The following HMCN1 variants were observed in gnomAD, a reference collection of about 807,000 sequenced individuals.
The protein encoded by HMCN1 is hemicentin-1.
A neutral mutation model predicts 625.9 loss-of-function variants in HMCN1; 321 were observed. The observed-to-expected ratio is 0.51, with a 90% CI of 0.47 to 0.56. The LOEUF is 0.56. Among genes scored for constraint, HMCN1 ranks in the 20% least tolerant of loss-of-function variants. The pLI is 0.00. For synonymous variants in HMCN1, 2,425 were observed against 2,417.6 expected (o/e 1.00, Z -0.09); for missense variants, 6,588 against 6,887.3 (o/e 0.96, Z 1.54).
chr1:185,814,374 T>G (rs987066403), intron 1 of HMCN1, among the ~76,000 whole-genome samples: 1 of 152,208 alleles, frequency 6.6e-6, no homozygotes, highest in African/African-American at 2.4e-5. Flanking sequence ...TACTTCCCGA[T>G]GTATACTGGT....
At chr1:185,947,164 G>A (rs533267993) in intron 11 of HMCN1, among the ~76,000 whole-genome samples, 2 of 152,232 alleles carry the variant, frequency 1.3e-5, no homozygotes, top group Non-Finnish European at 2.9e-5. Context: ...CTACTGGTAA[G>A]GCAATTAGCA....
In HMCN1 at chr1:186,120,260, T is replaced by C. The variant is rs951563923; in HGVS notation, c.12229+115T>C. ...TGTTCCCCCATAGTTCTCGACATTC[T>C]TAGTTTGCATTATCCTATTGGTTTT... On this transcript the variant is annotated intron_variant, in intron 80 of 106. Transcript: ENST00000271588. The C allele has an allele frequency of 2.6e-6, 3 of 1,142,556 alleles. No individual in the cohort carries two copies. The African/African-American group carries it at 4.7e-5, about 18-fold the overall frequency. The allele number at this position is 1,142,556 out of a possible 1,614,324, so 70.8% of individuals were successfully genotyped here.
chr1:186,112,117 T>A (rs993191465), intron 71 of HMCN1, among the ~76,000 whole-genome samples: 1 of 152,246 alleles, frequency 6.6e-6, no homozygotes, highest in Non-Finnish European at 1.5e-5. Flanking sequence ...TTGTGCTCTA[T>A]TTTCATAATT....
chr1:186,062,916 C>T (rs1055885601), intron 48 of HMCN1, among the ~76,000 whole-genome samples: 3 of 150,672 alleles, frequency 2.0e-5, no homozygotes, highest in Admixed American at 6.6e-5. Context: ...TTAGAACATA[C>T]GATATTTGAC....
chr1:186,073,836 A>C (rs939711030), intron 52 of HMCN1, among the ~76,000 whole-genome samples: 1 of 152,038 alleles, frequency 6.6e-6, no homozygotes, highest in Middle Eastern at 3.2e-3. Context: ...GAAAACTAGG[A>C]AGTGATAGTC....
At chr1:186,172,216 A>C in intron 102 of HMCN1, 85 bp downstream of exon 102, 1 of 1,544,250 alleles carries the variant, frequency 6.5e-7, no homozygotes, top group Non-Finnish European at 8.9e-7. Flanking sequence ...AAGTGATTAG[A>C]GTAAATTTAA....
At chr1:185,803,026 T>A (rs1421715502) in intron 1 of HMCN1, among the ~76,000 whole-genome samples, 1 of 151,946 alleles carries the variant, frequency 6.6e-6, no homozygotes, top group Non-Finnish European at 1.5e-5. Context: ...CTACTGCATA[T>A]TTTTTCTCTT....
intron 74 of HMCN1, 78 bp downstream of exon 74, chr1:186,115,024 G>T: frequency 1.3e-6 from 2 of 1,595,738 alleles, no homozygotes; most frequent in East Asian, 4.5e-5. Context: ...AGGTCATAAA[G>T]ATCTTGACAT....
At chr1:186,175,722 TA>T (rs1320297778) in intron 103 of HMCN1, among the ~76,000 whole-genome samples, 2 of 151,588 alleles carry the variant, frequency 1.3e-5, no homozygotes, top group African/African-American at 2.4e-5. Flanking sequence ...ATTGCCTCAA[TA>T]AAAGAGTTAA....
intron 58 of HMCN1, 42 bp downstream of exon 58, chr1:186,086,449 C>G: frequency 6.3e-7 from 1 of 1,585,026 alleles, no homozygotes; most frequent in Non-Finnish European, 8.7e-7. Context: ...ATTTTCTCAT[C>G]TTTATTTTAA....
intron 96 of HMCN1, 137 bp from the exon 97 acceptor site, chr1:186,153,613 T>A: frequency 1.3e-6 from 1 of 753,122 alleles, no homozygotes; most frequent in Non-Finnish European, 2.4e-6. Flanking sequence ...ACATATTAAA[T>A]GTTTACCATC....
intron 68 of HMCN1, among the ~76,000 whole-genome samples, chr1:186,100,113 G>A (rs140890261): frequency 1.5e-3 from 226 of 152,046 alleles, no homozygotes; most frequent in African/African-American, 5.2e-3. Flanking sequence ...ACAGACTGGT[G>A]CATTTCTGGA....
chr1:185,800,110 G>C (rs1315032718), intron 1 of HMCN1, among the ~76,000 whole-genome samples: 1 of 152,174 alleles, frequency 6.6e-6, no homozygotes, highest in Non-Finnish European at 1.5e-5. Context: ...GGCGGCCCAG[G>C]CTCCACAGCC....
intron 50 of HMCN1, 93 bp downstream of exon 50, chr1:186,068,100 A>G (rs1214896201): frequency 1.7e-6 from 2 of 1,194,566 alleles, no homozygotes; most frequent in Admixed American, 3.4e-5. Flanking sequence ...AAAAACACCA[A>G]TGTTTTGTTG....
At chr1:186,076,758 C>G in intron 54 of HMCN1, 136 bp downstream of exon 54, 1 of 795,496 alleles carries the variant, frequency 1.3e-6, no homozygotes, top group South Asian at 1.5e-5. Flanking sequence ...ATGCCACTGG[C>G]ATCCACGTAG....
chr1:185,937,647 C>T (rs369045946), intron 11 of HMCN1, among the ~76,000 whole-genome samples: 79 of 151,862 alleles, frequency 5.2e-4, no homozygotes, highest in African/African-American at 1.9e-3. Flanking sequence ...TTTGGGAGGC[C>T]GAGATGGGCA....
intron 4 of HMCN1, among the ~76,000 whole-genome samples, chr1:185,893,265 C>G (rs867154409): frequency 6.6e-6 from 1 of 152,190 alleles, no homozygotes; most frequent in South Asian, 2.1e-4. Flanking sequence ...AGAAATCACC[C>G]ATCTTCTGCG....
At position 186,077,043 on chromosome 1, in the gene HMCN1, G is replaced by T. The variant is rs535832096; in HGVS notation, c.8485+421G>T. Reference sequence around the variant, plus strand: ...ATTATTAGTTTCAAATATTTAAATTGTTATCTGGTTTATTGATTGCAAAGA... The same window carrying T: ...ATTATTAGTTTCAAATATTTAAATTTTTATCTGGTTTATTGATTGCAAAGA... On this transcript the variant is annotated intron_variant, in intron 54 of 106. Transcript: ENST00000271588. Among the ~76,000 whole-genome samples the T allele has an allele frequency of 3.9e-5, 6 of 152,142 alleles. No individual in the cohort carries two copies. The South Asian group carries it at 1.0e-3, about 26-fold the overall frequency.
intron 1 of HMCN1, among the ~76,000 whole-genome samples, chr1:185,782,444 A>G (rs889717748): frequency 3.9e-5 from 6 of 152,120 alleles, no homozygotes; most frequent in Admixed American, 6.6e-5. Context: ...CCTAGCCTTG[A>G]TGGTCTTTAC....
Sources: gnomAD v4.1 joint callset for allele counts (sites outside exome capture counted in the v4.1 genomes callset) on GRCh38, gnomAD v4.1.1 for gene constraint, MANE v1.5 for transcripts, NCBI Gene and HGNC (gene_info 2026-07-23, HGNC 2026-07-21) for gene names.